UBE2E3: variants seen among roughly 807,000 people sequenced by gnomAD.
UBE2E3 encodes ubiquitin conjugating enzyme E2 E3.
Under a neutral mutation model 23.6 loss-of-function variants are expected in UBE2E3, and 5 were observed. The ratio of observed to expected loss-of-function variants is 0.21; its 90% CI spans 0.11 to 0.44. UBE2E3 has a LOEUF of 0.44. Ranked by LOEUF, UBE2E3 falls within the 20% of genes least tolerant of loss-of-function variation. UBE2E3 has a pLI of 0.99. For synonymous variants in UBE2E3, 78 were observed against 87.5 expected (o/e 0.89, Z 0.60); for missense variants, 81 against 249.8 (o/e 0.32, Z 4.55).
At chr2:181,017,307 C>A (rs1189196519) in intron 3 of UBE2E3, among the ~76,000 whole-genome samples, 1 of 151,942 alleles carries the variant, frequency 6.6e-6, no homozygotes, top group Non-Finnish European at 1.5e-5. Flanking sequence ...CCAGGAGGGG[C>A]CAGTGGGACG....
chr2:180,991,479 CTA>C (rs1684657452), intron 3 of UBE2E3, among the ~76,000 whole-genome samples: 1 of 152,162 alleles, frequency 6.6e-6, no homozygotes, highest in African/African-American at 2.4e-5. Flanking sequence ...CTGCAGTAGT[CTA>C]TAACCGATTT....
rs550515930 is a variant in UBE2E3 at position 181,024,412 on chromosome 2, A to G, written c.246-33281A>G. 7.9e-5 allele frequency among the ~76,000 whole-genome samples: 12 copies of G among 152,284 alleles called. No homozygotes were observed. In the South Asian group the frequency reaches 2.1e-3, roughly 26 times the overall value. On this transcript the variant is annotated intron_variant, in intron 3 of 5. Coordinates refer to ENST00000410062, the MANE Select transcript of UBE2E3 (RefSeq NM_006357.4). Reference sequence around the variant, plus strand: ...CATTTTCAAAAAGGAAGGAAAATTCAGTCAAGTATTTTGGAAACTGAGTTC... The same window carrying G: ...CATTTTCAAAAAGGAAGGAAAATTCGGTCAAGTATTTTGGAAACTGAGTTC...
chr2:181,052,973 C>T (rs1277003973), intron 3 of UBE2E3, among the ~76,000 whole-genome samples: 4 of 151,786 alleles, frequency 2.6e-5, no homozygotes, highest in African/African-American at 9.7e-5. Context: ...CAGGACACCT[C>T]GCCATCACTT....
chr2:181,013,416 A>G (rs374547738), intron 3 of UBE2E3, among the ~76,000 whole-genome samples: 5 of 150,802 alleles, frequency 3.3e-5, no homozygotes, highest in East Asian at 1.9e-4. Context: ...TGGAAGATCT[A>G]TTTTCAAGGT....
At chr2:181,007,492 G>A (rs1014167262) in intron 3 of UBE2E3, among the ~76,000 whole-genome samples, 1 of 143,866 alleles carries the variant, frequency 7.0e-6, no homozygotes, top group Admixed American at 6.9e-5. Context: ...TGTGAACTAA[G>A]TATAATTGTT....
rs552904311 is a variant in UBE2E3, at chr2:181,011,510, A to G, written c.245+27417A>G. 6.6e-5 allele frequency among the ~76,000 whole-genome samples: 10 copies of G among 152,244 alleles called. No homozygotes were observed. In the South Asian group the frequency reaches 1.7e-3, roughly 25 times the overall value. On this transcript the variant is annotated intron_variant, in intron 3 of 5. Coordinates refer to ENST00000410062, the MANE Select transcript of UBE2E3 (RefSeq NM_006357.4). ...TCTCAGCCTGAGTTTTGGAGGGGAC[A>G]TTCAACCCATATAACAAGTCCAGTA...
At chr2:180,989,811 TAACCA>T in intron 3 of UBE2E3, 1 of 1,448,008 alleles carries the variant, frequency 6.9e-7, no homozygotes, top group Non-Finnish European at 9.2e-7. Flanking sequence ...ATTCCTCTCA[TAACCA>T]ATTAGTACTT....
chr2:181,062,746 G>C (rs1191105953), intron 5 of UBE2E3, 45 bp from the exon 6 acceptor site: 1 of 1,193,684 alleles, frequency 8.4e-7, no homozygotes, highest in East Asian at 2.4e-5. Context: ...ATACCTTGAA[G>C]AAGATACCAC....
intron 5 of UBE2E3, 136 bp downstream of exon 5, chr2:181,060,948 C>G: frequency 5.4e-6 from 5 of 920,364 alleles, no homozygotes; most frequent in Non-Finnish European, 7.3e-6. Flanking sequence ...CCCCATAAAA[C>G]AGTTTGTGAG....
At chr2:181,001,893 G>A (rs1213802632) in intron 3 of UBE2E3, among the ~76,000 whole-genome samples, 1 of 152,008 alleles carries the variant, frequency 6.6e-6, no homozygotes, top group African/African-American at 2.4e-5. Context: ...ATCTAAAATG[G>A]CAAGACTGTC....
chr2:181,007,208 C>T (rs1685177520), intron 3 of UBE2E3, among the ~76,000 whole-genome samples: 2 of 152,164 alleles, frequency 1.3e-5, no homozygotes, highest in Non-Finnish European at 2.9e-5. Context: ...CCCACTGCCC[C>T]TTTGAGTAAG....
intron 3 of UBE2E3, among the ~76,000 whole-genome samples, chr2:181,029,299 A>T (rs190152519): frequency 6.6e-6 from 1 of 152,308 alleles, no homozygotes; most frequent in Admixed American, 6.5e-5. Context: ...TTCATATAAA[A>T]TGAGAATCAG....
rs537268014 is a variant in UBE2E3 at position 181,034,444 on chromosome 2, A to G, written c.246-23249A>G. Among the ~76,000 whole-genome samples, 221 of 152,224 alleles carry G rather than the reference A, an allele frequency of 1.5e-3. 1 individual carries two copies. Among genetic ancestry groups the G allele is most frequent in the Non-Finnish European group, 1.3e-3 (88 of 67,998 alleles). The stretch of plus-strand genomic sequence containing the variant: ...TTGCAAGAACAGAAAACCAAACACC[A>G]CAGGTTCTCACTCATAGGTGGGAAT... On this transcript the variant is annotated intron_variant, in intron 3 of 5. Coordinates refer to ENST00000410062, the MANE Select transcript of UBE2E3 (RefSeq NM_006357.4).
chr2:181,017,708 G>GT (rs1396281134), intron 3 of UBE2E3, among the ~76,000 whole-genome samples: 4 of 148,734 alleles, frequency 2.7e-5, no homozygotes, highest in Non-Finnish European at 5.9e-5. Flanking sequence ...AGCATAAAAG[G>GT]TTTTTTTGTT....
At chr2:181,021,558 T>TCCCTTCCTTCCTTCCTCCCTCCCTC (rs1574190691) in intron 3 of UBE2E3, among the ~76,000 whole-genome samples, 1 of 56,544 alleles carries the variant, frequency 1.8e-5, no homozygotes, top group East Asian at 9.9e-4. Flanking sequence ...TATACTCCCT[T>TCCCTTCCTTCCTTCCTCCCTCCCTC]CCTTCCTTCC....
At chr2:181,007,737 G>T (rs1574176419) in intron 3 of UBE2E3, among the ~76,000 whole-genome samples, 1 of 152,134 alleles carries the variant, frequency 6.6e-6, no homozygotes, top group Admixed American at 6.5e-5. Context: ...GCTGCTGCAG[G>T]TTTCTGTCTA....
chr2:181,030,362 G>A (rs1178290678), intron 3 of UBE2E3, among the ~76,000 whole-genome samples: 10 of 151,756 alleles, frequency 6.6e-5, no homozygotes, highest in Admixed American at 5.9e-4. Context: ...CGCCCAGGCT[G>A]GAGTGCAGTG....
At chr2:180,984,753 T>C (rs771780318) in intron 3 of UBE2E3, among the ~76,000 whole-genome samples, 2 of 152,194 alleles carry the variant, frequency 1.3e-5, no homozygotes, top group Admixed American at 1.3e-4. Context: ...GGAACTCAGG[T>C]AGATGAATTT....
chr2:181,058,020 A>G (rs1369122046), intron 4 of UBE2E3, among the ~76,000 whole-genome samples, 195 bp downstream of exon 4: 1 of 151,782 alleles, frequency 6.6e-6, no homozygotes, highest in Non-Finnish European at 1.5e-5. Context: ...ATAAACAGAA[A>G]GAGTTTAATT....
Sources: allele counts gnomAD v4.1 joint callset (sites outside exome capture counted in the v4.1 genomes callset), GRCh38; gene constraint gnomAD v4.1.1; transcripts MANE v1.5; gene names NCBI Gene and HGNC (gene_info 2026-07-23, HGNC 2026-07-21).